Variants in ADAMTS18 observed in about 807,000 individuals in gnomAD.
ADAMTS18 encodes A disintegrin and metalloproteinase with thrombospondin motifs 18.
ADAMTS18 carries 157 observed loss-of-function variants against 165.9 expected under a neutral mutation model. That is an observed-to-expected ratio of 0.95 (90% CI 0.83 to 1.08). ADAMTS18 has a LOEUF of 1.08. ADAMTS18 is among the 50% of genes least tolerant of loss of function. The pLI is 0.00. For missense variants in ADAMTS18, 2,040 were observed against 1,534.0 expected (o/e 1.33, Z -5.51); for synonymous variants, 782 against 578.2 (o/e 1.35, Z -5.06).
chr16:77,335,107 T>C (rs141368150), intron 12 of ADAMTS18, among the ~76,000 whole-genome samples: 1,573 of 148,866 alleles, frequency 0.011, 28 homozygotes, highest in African/African-American at 0.036. Flanking sequence ...TATGATAGTA[T>C]TAATCCTACT....
chr16:77,428,222 G>A (rs868312596), intron 3 of ADAMTS18, among the ~76,000 whole-genome samples: 2 of 152,022 alleles, frequency 1.3e-5, no homozygotes, highest in African/African-American at 4.8e-5. Flanking sequence ...ATAGGAGAAG[G>A]GTGGCTGTCT....
At chr16:77,302,997 A>G (rs182173807) in intron 16 of ADAMTS18, among the ~76,000 whole-genome samples, 51 of 152,304 alleles carry the variant, frequency 3.3e-4, no homozygotes, top group African/African-American at 9.6e-4. Context: ...CAAAATTATC[A>G]ATGCAACCAA....
At chr16:77,356,166 T>A (rs2056627626) in intron 8 of ADAMTS18, 89 bp from the exon 9 acceptor site, 9 of 1,542,770 alleles carry the variant, frequency 5.8e-6, no homozygotes, top group Non-Finnish European at 8.0e-6. Context: ...GTATTGATCA[T>A]CAACAAAACC....
chr16:77,376,960 G>A (rs971429764), intron 3 of ADAMTS18, among the ~76,000 whole-genome samples: 4 of 151,698 alleles, frequency 2.6e-5, no homozygotes, highest in African/African-American at 7.3e-5. Flanking sequence ...GCTTACAAGC[G>A]CCCACCACCA....
chr16:77,293,342 T>G, intron 19 of ADAMTS18, 84 bp from the exon 20 acceptor site: 1 of 1,196,628 alleles, frequency 8.4e-7, no homozygotes, highest in Non-Finnish European at 1.2e-6. Context: ...ACTAAATATA[T>G]TCCTGTGAAA....
intron 11 of ADAMTS18, among the ~76,000 whole-genome samples, chr16:77,341,457 T>C (rs534731695): frequency 4.3e-4 from 66 of 152,106 alleles, no homozygotes; most frequent in Admixed American, 3.9e-3. Flanking sequence ...ATAGAGATAT[T>C]TTGAGCCAAG....
Position 77,293,065 on chromosome 16 carries a change from C to G in ADAMTS18, c.3189+11G>C, listed in dbSNP as rs761798903. 1 of 1,613,894 alleles carries G rather than the reference C, an allele frequency of 6.2e-7. No individual in the cohort carries two copies. Among genetic ancestry groups the G allele is most frequent in the African/African-American group, 1.3e-5 (1 of 74,914 alleles). On this transcript the variant is annotated intron_variant, in intron 20 of 22. Transcript: ENST00000282849. The stretch of plus-strand genomic sequence containing the variant: ...CAATCTCCTGACCCAGCAGTGACTT[C>G]TAATCCATACCTCGCTCCACGAAGA...
intron 3 of ADAMTS18, among the ~76,000 whole-genome samples, chr16:77,379,662 G>C (rs879352110): frequency 4.6e-4 from 70 of 151,982 alleles, no homozygotes; most frequent in Non-Finnish European, 6.9e-4. Context: ...CTAATATTTT[G>C]TATTTTTTGG....
At chr16:77,330,725 A>C (rs754793157) in intron 12 of ADAMTS18, among the ~76,000 whole-genome samples, 1 of 147,714 alleles carries the variant, frequency 6.8e-6, no homozygotes, top group Non-Finnish European at 1.5e-5. Context: ...AGCAGTCAAC[A>C]AAAAAAAACT....
intron 3 of ADAMTS18, among the ~76,000 whole-genome samples, chr16:77,400,666 A>G (rs1479595710): frequency 1.3e-5 from 2 of 151,470 alleles, no homozygotes; most frequent in African/African-American, 4.8e-5. Flanking sequence ...TATTTTTAGT[A>G]GAGACAGGGT....
At chr16:77,396,681 G>T (rs1341066789) in intron 3 of ADAMTS18, among the ~76,000 whole-genome samples, 1 of 152,166 alleles carries the variant, frequency 6.6e-6, no homozygotes, top group South Asian at 2.1e-4. Flanking sequence ...TGTAAGATAT[G>T]GAGATTGTTT....
Position 77,431,412 on chromosome 16 carries a change from T to G in ADAMTS18, c.378A>C (p.Val126=). The G allele has an allele frequency of 6.2e-7, 1 of 1,614,156 alleles. No homozygotes were observed. ...AILSSHFIVQ[V]LGKDGASETQ... Reference sequence around the variant, plus strand: ...TCTCTGAAGCACCATCTTTTCCAAGTACCTGGACAATAAAGTGACTGCTCA... The same window carrying G: ...TCTCTGAAGCACCATCTTTTCCAAGGACCTGGACAATAAAGTGACTGCTCA... The change falls in exon 3 of 23, where the codon GTA becomes GTC. Residue 126 remains valine, a synonymous_variant. Transcript: ENST00000282849.
intron 12 of ADAMTS18, among the ~76,000 whole-genome samples, chr16:77,333,493 A>C (rs1293891281): frequency 1.9e-5 from 1 of 52,732 alleles, no homozygotes; most frequent in Non-Finnish European, 3.9e-5. Context: ...AAGAAATACC[A>C]AAAAAAAAAA....
chr16:77,290,862 T>C (rs185433783), intron 21 of ADAMTS18: 25 of 249,832 alleles, frequency 1.0e-4, no homozygotes, highest in African/African-American at 4.7e-4. Flanking sequence ...TGACAAATAT[T>C]AGCTATTACA....
intron 16 of ADAMTS18, among the ~76,000 whole-genome samples, chr16:77,319,133 TCTGCTGA>T (rs1355313107): frequency 6.6e-6 from 1 of 152,174 alleles, no homozygotes; most frequent in African/African-American, 2.4e-5. Context: ...ATGATGAAAC[TCTGCTGA>T]CACCCAGGCA....
intron 3 of ADAMTS18, among the ~76,000 whole-genome samples, chr16:77,410,672 C>T (rs753392219): frequency 9.2e-5 from 14 of 152,120 alleles, no homozygotes; most frequent in Non-Finnish European, 1.9e-4. Context: ...CCAGAGACCG[C>T]CCTTGCTTGT....
chr16:77,398,511 C>A (rs527495049), intron 3 of ADAMTS18, among the ~76,000 whole-genome samples: 1 of 152,096 alleles, frequency 6.6e-6, no homozygotes, highest in Non-Finnish European at 1.5e-5. Context: ...TGAGAGCAAC[C>A]CACCACCTTT....
intron 16 of ADAMTS18, among the ~76,000 whole-genome samples, chr16:77,310,187 A>G (rs1483693871): frequency 6.6e-6 from 1 of 152,198 alleles, no homozygotes; most frequent in Non-Finnish European, 1.5e-5. Flanking sequence ...AAATTTTTCA[A>G]TTTGAAAGAA....
At chr16:77,336,240 G>A (rs1007525723) in intron 11 of ADAMTS18, among the ~76,000 whole-genome samples, 1 of 152,070 alleles carries the variant, frequency 6.6e-6, no homozygotes, top group South Asian at 2.1e-4. Context: ...AGCCTGCCTT[G>A]CCACTGAGAG....
Sources: gnomAD v4.1 joint callset for allele counts (sites outside exome capture counted in the v4.1 genomes callset) on GRCh38, gnomAD v4.1.1 for gene constraint, MANE v1.5 for transcripts, NCBI Gene and HGNC (gene_info 2026-07-23, HGNC 2026-07-21) for gene names.